Variants in SAMD5 observed in about 807,000 individuals in gnomAD.
The protein encoded by SAMD5 is sterile alpha motif domain containing 5.
Under a neutral mutation model 11.3 loss-of-function variants are expected in SAMD5, and 13 were observed. The ratio of observed to expected loss-of-function variants is 1.15; its 90% CI spans 0.75 to 1.83. The LOEUF (loss-of-function observed/expected upper bound fraction) is 1.83, where lower values mean the gene tolerates loss of function less well. Ranked by LOEUF, SAMD5 falls within the 40% of genes most tolerant of loss-of-function variation. SAMD5 has a pLI of 0.00. For missense variants in SAMD5, 255 were observed against 239.1 expected (o/e 1.07, Z -0.44); for synonymous variants, 129 against 111.3 (o/e 1.16, Z -1.00).
intron 1 of SAMD5, among the ~76,000 whole-genome samples, chr6:147,734,801 A>G (rs900416684): frequency 6.6e-6 from 1 of 150,716 alleles, no homozygotes; most frequent in African/African-American, 2.4e-5. Context: ...AGGCACACAT[A>G]GATACTCAGT....
intron 1 of SAMD5, among the ~76,000 whole-genome samples, chr6:147,658,264 ATTATTTCATAGCTCTT>A (rs1430168274): frequency 1.3e-5 from 2 of 152,144 alleles, no homozygotes; most frequent in Admixed American, 6.5e-5. Context: ...GGGAATCAGT[ATTATTTCATAGCTCTT>A]TTTTGGAACT....
chr6:147,932,162 G>A, the SAMD5 span, among the ~76,000 whole-genome samples: 6 of 152,156 alleles, frequency 3.9e-5, no homozygotes, highest in African/African-American at 1.4e-4. Context: ...GATAAGACAA[G>A]CATTATTCCT....
the SAMD5 span, among the ~76,000 whole-genome samples, chr6:147,828,921 A>G: frequency 1.3e-5 from 2 of 152,288 alleles, no homozygotes; most frequent in African/African-American, 4.8e-5. Context: ...TCAAAGGAAT[A>G]AGAGCTGGCC....
At chr6:147,609,305 C>T (rs1023192183) in intron 1 of SAMD5, among the ~76,000 whole-genome samples, 4 of 152,192 alleles carry the variant, frequency 2.6e-5, no homozygotes, top group East Asian at 3.9e-4. Context: ...TGAAGATGGC[C>T]GCCTACAAGC....
At chr6:147,809,322 T>A in the SAMD5 span, among the ~76,000 whole-genome samples, 2 of 152,170 alleles carry the variant, frequency 1.3e-5, no homozygotes, top group African/African-American at 4.8e-5. Flanking sequence ...GATTTCTAGC[T>A]GCTATAGCCT....
At chr6:147,614,989 A>T (rs1246789977) in intron 1 of SAMD5, among the ~76,000 whole-genome samples, 3 of 152,000 alleles carry the variant, frequency 2.0e-5, no homozygotes, top group East Asian at 1.9e-4. Context: ...TTAGATTATT[A>T]AAAAAATCCA....
chr6:147,561,962 C>T (rs1318748024), intron 1 of SAMD5, among the ~76,000 whole-genome samples: 3 of 152,120 alleles, frequency 2.0e-5, no homozygotes, highest in South Asian at 4.1e-4. Context: ...TGACCCATTG[C>T]GGAAATCCTG....
At chr6:147,665,402 T>C (rs898065894) in intron 1 of SAMD5, among the ~76,000 whole-genome samples, 11 of 152,216 alleles carry the variant, frequency 7.2e-5, no homozygotes, top group Admixed American at 5.2e-4. Flanking sequence ...ATTTCCTTCA[T>C]TGAATATTTT....
intron 1 of SAMD5, among the ~76,000 whole-genome samples, chr6:147,731,621 A>G (rs1791714562): frequency 7.4e-6 from 1 of 135,652 alleles, no homozygotes; most frequent in Non-Finnish European, 1.5e-5. Context: ...TACTGTTAAC[A>G]CTTTACCCTC....
chr6:147,509,215 G>A lies in SAMD5; in HGVS notation c.287G>A (p.Gly96Glu). 2 of 1,343,006 alleles carry A rather than the reference G, an allele frequency of 1.5e-6. No individual in the cohort carries two copies. The highest frequency in any genetic ancestry group is 1.9e-6 in the Non-Finnish European group (2 of 1,045,064). 83.2% of individuals were successfully genotyped at this position (1,343,006 alleles called of 1,614,324 possible). A position where few individuals can be genotyped will look rare whatever the true frequency, so the allele number is the denominator to read the frequency against. Residue 96 changes from glycine (G) to glutamate (E), a missense_variant, in exon 1 of 2, where the codon GGG becomes GAG. Physicochemically the swap from Gly to Glu is moderately conservative, Grantham distance 98. Transcript: ENST00000367474. The stretch of plus-strand genomic sequence containing the variant: ...GACGCCGTCCCCACCGGCCGCCGGG[G>A]GGAGCCGTGCGGCGGCCCGGCCCAG... Reference protein sequence around the residue: ...PADAVPTGRRGEPCGGPAQGT... With the variant: ...PADAVPTGRREEPCGGPAQGT...
At chr6:147,694,115 A>G (rs772823295) in intron 1 of SAMD5, among the ~76,000 whole-genome samples, 3 of 152,210 alleles carry the variant, frequency 2.0e-5, no homozygotes, top group Non-Finnish European at 4.4e-5. Context: ...CTTTATTATG[A>G]TAGTGTGGAG....
intron 1 of SAMD5, among the ~76,000 whole-genome samples, chr6:147,679,438 T>C (rs1790910411): frequency 6.6e-6 from 1 of 152,170 alleles, no homozygotes; most frequent in African/African-American, 2.4e-5. Flanking sequence ...TGTGCATTTG[T>C]ATATATTCTT....
chr6:147,718,794 G>A (rs1791503921), intron 1 of SAMD5, among the ~76,000 whole-genome samples: 1 of 151,932 alleles, frequency 6.6e-6, no homozygotes, highest in South Asian at 2.1e-4. Flanking sequence ...AGGTTCAAGT[G>A]ATTCTCACGC....
chr6:147,770,241 T>C, the SAMD5 span, among the ~76,000 whole-genome samples: 1 of 152,174 alleles, frequency 6.6e-6, no homozygotes, highest in African/African-American at 2.4e-5. Context: ...CCATTAGTAT[T>C]GACTGTACTT....
the SAMD5 span, among the ~76,000 whole-genome samples, chr6:147,812,765 G>A: frequency 6.6e-6 from 1 of 152,150 alleles, no homozygotes; most frequent in Non-Finnish European, 1.5e-5. Flanking sequence ...GTTGTGGGGA[G>A]ATTATTTTTA....
the SAMD5 span, among the ~76,000 whole-genome samples, chr6:147,788,761 T>G: frequency 6.6e-6 from 1 of 152,172 alleles, no homozygotes; most frequent in African/African-American, 2.4e-5. Flanking sequence ...AGTCACTTCT[T>G]TTATAAATTT....
chr6:147,816,301 A>AAAAAAAATATATATATATAT, the SAMD5 span, among the ~76,000 whole-genome samples: 2 of 66,354 alleles, frequency 3.0e-5, no homozygotes, highest in Admixed American at 2.0e-4. Flanking sequence ...AAAAAAAAAA[A>AAAAAAAATATATATATATAT]ATATATATAT....
intron 1 of SAMD5, among the ~76,000 whole-genome samples, chr6:147,693,330 C>A (rs1377869453): frequency 6.6e-6 from 1 of 152,184 alleles, no homozygotes; most frequent in Non-Finnish European, 1.5e-5. Context: ...AGTCTTTCAC[C>A]TCTGACAGCA....
At chr6:147,576,335 T>A (rs1789216535) in intron 1 of SAMD5, among the ~76,000 whole-genome samples, 2 of 152,230 alleles carry the variant, frequency 1.3e-5, no homozygotes, top group South Asian at 4.2e-4. Flanking sequence ...GAGACGGGGT[T>A]TAGCCATTTC....
Sources: gnomAD v4.1 joint callset for allele counts (sites outside exome capture counted in the v4.1 genomes callset) on GRCh38, gnomAD v4.1.1 for gene constraint, MANE v1.5 for transcripts, NCBI Gene and HGNC (gene_info 2026-07-23, HGNC 2026-07-21) for gene names.